CAMK1D: variants seen among roughly 807,000 people sequenced by gnomAD.
CAMK1D encodes calcium/calmodulin dependent protein kinase ID.
CAMK1D carries 9 observed loss-of-function variants against 47.7 expected under a neutral mutation model. The ratio of observed to expected loss-of-function variants is 0.19; its 90% CI spans 0.11 to 0.33. The LOEUF (loss-of-function observed/expected upper bound fraction) is 0.33, where lower values mean the gene tolerates loss of function less well. Among genes scored for constraint, CAMK1D ranks in the 10% least tolerant of loss-of-function variants. The pLI is 1.00. For missense variants in CAMK1D, 291 were observed against 488.7 expected (o/e 0.60, Z 3.81); for synonymous variants, 184 against 184.9 (o/e 0.99, Z 0.04).
chr10:12,651,361 T>C (rs970177321), intron 2 of CAMK1D, among the ~76,000 whole-genome samples: 1 of 152,214 alleles, frequency 6.6e-6, no homozygotes, highest in Non-Finnish European at 1.5e-5. Context: ...CACTGTTGGC[T>C]TCTTCCTGAT....
intron 3 of CAMK1D, among the ~76,000 whole-genome samples, chr10:12,757,916 A>G (rs530852522): frequency 7.7e-6 from 1 of 129,956 alleles, no homozygotes; most frequent in Admixed American, 9.5e-5. Flanking sequence ...CAATGGCATG[A>G]TCTCGGCTCA....
chr10:12,750,743 G>A (rs192580682), intron 3 of CAMK1D, among the ~76,000 whole-genome samples: 4 of 152,220 alleles, frequency 2.6e-5, no homozygotes, highest in Non-Finnish European at 4.4e-5. Flanking sequence ...TTGTCTCAGC[G>A]GCCAGTCAGC....
chr10:12,771,891 A>G (rs971831573), intron 5 of CAMK1D, among the ~76,000 whole-genome samples: 1 of 152,142 alleles, frequency 6.6e-6, no homozygotes, highest in African/African-American at 2.4e-5. Flanking sequence ...AAAATTAGCC[A>G]GGCATGGTGG....
intron 1 of CAMK1D, among the ~76,000 whole-genome samples, chr10:12,371,024 G>A (rs1837987270): frequency 6.6e-6 from 1 of 152,090 alleles, no homozygotes; most frequent in Non-Finnish European, 1.5e-5. Context: ...GTTTTAAGCT[G>A]TTATTACAAG....
At chr10:12,560,810 A>C (rs1836915971) in intron 2 of CAMK1D, among the ~76,000 whole-genome samples, 1 of 152,158 alleles carries the variant, frequency 6.6e-6, no homozygotes, top group African/African-American at 2.4e-5. Context: ...AACGGTTGAA[A>C]GCCTTACTTA....
chr10:12,518,834 CAGA>C (rs1835292667), intron 1 of CAMK1D, among the ~76,000 whole-genome samples: 1 of 119,104 alleles, frequency 8.4e-6, no homozygotes, highest in Non-Finnish European at 1.8e-5. Flanking sequence ...GATCCCAAGG[CAGA>C]AGAATTTTTC....
At chr10:12,669,446 T>C (rs1840539911) in intron 3 of CAMK1D, among the ~76,000 whole-genome samples, 1 of 152,128 alleles carries the variant, frequency 6.6e-6, no homozygotes, top group Non-Finnish European at 1.5e-5. Context: ...GTTCAGAAGG[T>C]TTATTTATAT....
At chr10:12,761,393 C>T (rs1412518630) in intron 4 of CAMK1D, among the ~76,000 whole-genome samples, 3 of 152,140 alleles carry the variant, frequency 2.0e-5, no homozygotes, top group Admixed American at 6.5e-5. Context: ...CGATTTTGCT[C>T]AAGACACGTA....
chr10:12,828,679 T>G, intron 10 of CAMK1D, 90 bp from the exon 11 acceptor site: 12 of 770,630 alleles, frequency 1.6e-5, no homozygotes, highest in Non-Finnish European at 2.1e-5. Flanking sequence ...CCCCCCACCA[T>G]AAACCCAGCC....
chr10:12,571,959 A>G (rs1837341071), intron 2 of CAMK1D, among the ~76,000 whole-genome samples: 1 of 152,132 alleles, frequency 6.6e-6, no homozygotes, highest in Non-Finnish European at 1.5e-5. Context: ...TAATGTAAGC[A>G]CATGTATCCT....
chr10:12,717,381 T>A (rs1051420621), intron 3 of CAMK1D, among the ~76,000 whole-genome samples: 1 of 152,142 alleles, frequency 6.6e-6, no homozygotes, highest in Non-Finnish European at 1.5e-5. Flanking sequence ...CAGTAATATA[T>A]TCACTGCCAG....
At chr10:12,387,359 T>C (rs111343666) in intron 1 of CAMK1D, among the ~76,000 whole-genome samples, 1 of 88,444 alleles carries the variant, frequency 1.1e-5, no homozygotes, top group South Asian at 4.0e-4. Context: ...ATATTTTATA[T>C]ATATAATATA....
chr10:12,624,137 C>T (rs1421998706), intron 2 of CAMK1D, among the ~76,000 whole-genome samples: 1 of 151,990 alleles, frequency 6.6e-6, no homozygotes, highest in African/African-American at 2.4e-5. Flanking sequence ...TCACCATAAT[C>T]CAATGTCTTA....
intron 1 of CAMK1D, among the ~76,000 whole-genome samples, chr10:12,444,436 G>T (rs1275757628): frequency 1.3e-5 from 2 of 152,160 alleles, no homozygotes; most frequent in African/African-American, 4.8e-5. Flanking sequence ...ATTTAAGGAG[G>T]TTTCTTCTGA....
At chr10:12,451,566 G>A (rs1008061104) in intron 1 of CAMK1D, among the ~76,000 whole-genome samples, 1 of 152,184 alleles carries the variant, frequency 6.6e-6, no homozygotes, top group Non-Finnish European at 1.5e-5. Flanking sequence ...TAGAGGGGGC[G>A]AGAGAAATGA....
chr10:12,750,278 G>A (rs1835886204), intron 3 of CAMK1D, among the ~76,000 whole-genome samples: 1 of 152,084 alleles, frequency 6.6e-6, no homozygotes, highest in African/African-American at 2.4e-5. Context: ...CCCACCCGGG[G>A]GTCACTCTGT....
chr10:12,700,990 G>A (rs921455306), intron 3 of CAMK1D, among the ~76,000 whole-genome samples: 1 of 152,212 alleles, frequency 6.6e-6, no homozygotes, highest in Non-Finnish European at 1.5e-5. Context: ...AAAGGTCAGT[G>A]CCTAAAGGAG....
intron 1 of CAMK1D, among the ~76,000 whole-genome samples, chr10:12,406,927 C>CTATA (rs1839452243): frequency 6.6e-6 from 1 of 151,998 alleles, no homozygotes; most frequent in Non-Finnish European, 1.5e-5. Context: ...TCGAGGCCAC[C>CTATA]TAGGGTGACG....
intron 1 of CAMK1D, among the ~76,000 whole-genome samples, chr10:12,485,794 AT>A: frequency 6.6e-6 from 1 of 152,256 alleles, no homozygotes; most frequent in South Asian, 2.1e-4. Context: ...ATGTCATATT[AT>A]TTTTTTCCCA....
Sources: gnomAD v4.1 joint callset for allele counts (sites outside exome capture counted in the v4.1 genomes callset) on GRCh38, gnomAD v4.1.1 for gene constraint, MANE v1.5 for transcripts, NCBI Gene and HGNC (gene_info 2026-07-23, HGNC 2026-07-21) for gene names.